Variants in LHFPL3 observed in about 807,000 individuals in gnomAD.
LHFPL3 encodes the protein LHFPL tetraspan subfamily member 3.
In LHFPL3, 5 loss-of-function variants were observed where a neutral mutation model predicts 19.3. The ratio of observed to expected loss-of-function variants is 0.26; its 90% CI spans 0.14 to 0.54. The LOEUF (loss-of-function observed/expected upper bound fraction) is 0.54, where lower values mean the gene tolerates loss of function less well. LHFPL3 is among the 20% of genes least tolerant of loss of function. The pLI is 0.94. For missense variants in LHFPL3, 249 were observed against 307.4 expected, an observed-to-expected ratio of 0.81 and a Z score of 1.42; for synonymous variants, 133 against 126.2, an observed-to-expected ratio of 1.05 and a Z score of -0.36.
At chr7:104,495,653 G>C (rs985022702) in intron 1 of LHFPL3, among the ~76,000 whole-genome samples, 1 of 152,144 alleles carries the variant, frequency 6.6e-6, no homozygotes, top group East Asian at 1.9e-4. Flanking sequence ...AAAGTGCTGG[G>C]ATTACAGGCT....
intron 1 of LHFPL3, among the ~76,000 whole-genome samples, chr7:104,527,292 G>T (rs1196790072): frequency 6.6e-6 from 1 of 152,090 alleles, no homozygotes; most frequent in Non-Finnish European, 1.5e-5. Context: ...AGAGGGGATG[G>T]TGAGAGCCAC....
intron 1 of LHFPL3, among the ~76,000 whole-genome samples, chr7:104,524,348 A>G (rs1401480511): frequency 2.6e-5 from 4 of 152,176 alleles, no homozygotes; most frequent in Non-Finnish European, 5.9e-5. Context: ...TCCAAAGTTA[A>G]AGAGATCTTG....
intron 2 of LHFPL3, among the ~76,000 whole-genome samples, chr7:104,905,077 C>T (rs560761035): frequency 6.6e-6 from 1 of 152,064 alleles, no homozygotes; most frequent in African/African-American, 2.4e-5. Flanking sequence ...CACGTCAGCC[C>T]CTTGAGTAGC....
chr7:104,801,566 G>A (rs1790246657), intron 2 of LHFPL3, among the ~76,000 whole-genome samples: 1 of 151,960 alleles, frequency 6.6e-6, no homozygotes, highest in Admixed American at 6.6e-5. Context: ...TGTTTGTTTT[G>A]TTTTGTTTTT....
intron 2 of LHFPL3, chr7:104,752,941 C>T: frequency 3.0e-6 from 1 of 333,638 alleles, no homozygotes; most frequent in Non-Finnish European, 5.4e-6. Context: ...CCAGTTATTA[C>T]AACTGATGAA....
chr7:104,645,907 G>A (rs1187479294), intron 1 of LHFPL3, among the ~76,000 whole-genome samples: 4 of 151,962 alleles, frequency 2.6e-5, no homozygotes, highest in African/African-American at 4.8e-5. Flanking sequence ...TGATCTGCCC[G>A]CCTCGGCCTC....
At chr7:104,487,461 T>TCA (rs1387679597) in intron 1 of LHFPL3, among the ~76,000 whole-genome samples, 1 of 152,158 alleles carries the variant, frequency 6.6e-6, no homozygotes. Context: ...TGTGGTGCAC[T>TCA]CACACACACC....
At chr7:104,502,202 T>C (rs1584363458) in intron 1 of LHFPL3, among the ~76,000 whole-genome samples, 1 of 152,214 alleles carries the variant, frequency 6.6e-6, no homozygotes, top group Admixed American at 6.5e-5. Flanking sequence ...GTATAGCACA[T>C]TGCTTTCTAT....
At chr7:104,798,018 G>T (rs1234016882) in intron 2 of LHFPL3, among the ~76,000 whole-genome samples, 2 of 149,092 alleles carry the variant, frequency 1.3e-5, no homozygotes, top group African/African-American at 4.9e-5. Context: ...CCTAGGTGGG[G>T]TGGCAGTGGG....
chr7:104,441,685 C>G (rs1330905766), intron 1 of LHFPL3, among the ~76,000 whole-genome samples: 1 of 152,198 alleles, frequency 6.6e-6, no homozygotes, highest in Non-Finnish European at 1.5e-5. Flanking sequence ...AAGTGATTCT[C>G]CGGCCTCAGC....
chr7:104,364,342 CTG>C (rs927580349), intron 1 of LHFPL3, among the ~76,000 whole-genome samples: 2 of 152,202 alleles, frequency 1.3e-5, no homozygotes, highest in Non-Finnish European at 2.9e-5. Context: ...TGCATTTTCT[CTG>C]TGAGCTGAAA....
chr7:104,476,088 A>T (rs1322255586), intron 1 of LHFPL3, among the ~76,000 whole-genome samples: 4 of 152,230 alleles, frequency 2.6e-5, no homozygotes, highest in Non-Finnish European at 5.9e-5. Flanking sequence ...CACTTATTAA[A>T]TGCTGTCCGA....
At chr7:104,471,481 C>T (rs374791798) in intron 1 of LHFPL3, among the ~76,000 whole-genome samples, 3 of 152,184 alleles carry the variant, frequency 2.0e-5, no homozygotes, top group South Asian at 2.1e-4. Context: ...TTATTACTCT[C>T]ATGTTACACA....
chr7:104,462,804 C>T (rs545538346), intron 1 of LHFPL3, among the ~76,000 whole-genome samples: 21 of 152,202 alleles, frequency 1.4e-4, no homozygotes, highest in African/African-American at 4.8e-4. Context: ...GTCATAGCTT[C>T]AATGGAATGG....
At chr7:104,764,183 T>C (rs1368533004) in intron 2 of LHFPL3, among the ~76,000 whole-genome samples, 1 of 152,176 alleles carries the variant, frequency 6.6e-6, no homozygotes, top group Non-Finnish European at 1.5e-5. Context: ...TGTTTTGTTT[T>C]ATTGAGACAG....
At chr7:104,371,448 C>A (rs958927750) in intron 1 of LHFPL3, among the ~76,000 whole-genome samples, 1 of 152,074 alleles carries the variant, frequency 6.6e-6, no homozygotes, top group African/African-American at 2.4e-5. Context: ...ACGTGCAATC[C>A]CATGATTCTG....
At chr7:104,853,301 T>A (rs1184924550) in intron 2 of LHFPL3, among the ~76,000 whole-genome samples, 3 of 152,046 alleles carry the variant, frequency 2.0e-5, no homozygotes, top group African/African-American at 7.2e-5. Flanking sequence ...GGAGAGAGAA[T>A]CTAAAAAGCC....
intron 2 of LHFPL3, among the ~76,000 whole-genome samples, chr7:104,897,416 A>G (rs1792388917): frequency 6.6e-6 from 1 of 152,226 alleles, no homozygotes; most frequent in South Asian, 2.1e-4. Context: ...TTATTTCATT[A>G]CAATAAACAC....
intron 2 of LHFPL3, among the ~76,000 whole-genome samples, chr7:104,814,872 G>A (rs1371796237): frequency 2.0e-5 from 3 of 152,240 alleles, no homozygotes; most frequent in East Asian, 3.9e-4. Flanking sequence ...GCCGACAGCA[G>A]GGAGAAACCA....
Sources: gnomAD v4.1 joint callset for allele counts (sites outside exome capture counted in the v4.1 genomes callset) on GRCh38, gnomAD v4.1.1 for gene constraint, MANE v1.5 for transcripts, NCBI Gene and HGNC (gene_info 2026-07-23, HGNC 2026-07-21) for gene names.